The following OPCML variants were observed in gnomAD, a reference collection of about 807,000 sequenced individuals.
OPCML encodes the protein opioid-binding protein/cell adhesion molecule.
OPCML carries 13 observed loss-of-function variants against 37.8 expected under a neutral mutation model. That is an observed-to-expected ratio of 0.34 (90% CI 0.22 to 0.55). The LOEUF (loss-of-function observed/expected upper bound fraction) is 0.55, where lower values mean the gene tolerates loss of function less well. OPCML is among the 20% of genes least tolerant of loss of function. The probability of loss-of-function intolerance (pLI) is 0.91; values close to 1 mark genes in which losing one functional copy is unlikely to be tolerated. For synonymous variants in OPCML, 176 were observed against 168.8 expected (o/e 1.04, Z -0.33); for missense variants, 341 against 435.6 (o/e 0.78, Z 1.93).
intron 1 of OPCML, among the ~76,000 whole-genome samples, chr11:133,272,578 G>C (rs560080157): frequency 6.6e-6 from 1 of 152,274 alleles, no homozygotes; most frequent in African/African-American, 2.4e-5. Context: ...TTCCCCTCTG[G>C]GCCGGCCCGG....
intron 1 of OPCML, among the ~76,000 whole-genome samples, chr11:133,489,350 C>T (rs1191661464): frequency 6.7e-6 from 1 of 149,500 alleles, no homozygotes; most frequent in Non-Finnish European, 1.5e-5. Context: ...GGGCTAAATC[C>T]AGAATCTACA....
chr11:133,342,041 C>G (rs963362144), intron 1 of OPCML, among the ~76,000 whole-genome samples: 20 of 152,124 alleles, frequency 1.3e-4, no homozygotes, highest in Non-Finnish European at 2.6e-4. Context: ...CAGAAGTTGT[C>G]TGAACTCTGT....
At chr11:133,256,860 T>C (rs964424366) in intron 1 of OPCML, among the ~76,000 whole-genome samples, 7 of 152,246 alleles carry the variant, frequency 4.6e-5, no homozygotes, top group African/African-American at 7.2e-5. Flanking sequence ...CAAACATTTA[T>C]TGTGAAAAAT....
At chr11:132,706,356 C>A (rs893150655) in intron 2 of OPCML, among the ~76,000 whole-genome samples, 1 of 152,132 alleles carries the variant, frequency 6.6e-6, no homozygotes, top group Non-Finnish European at 1.5e-5. Flanking sequence ...CTTTCTGCCA[C>A]CCCAACAAAG....
chr11:133,258,472 A>G (rs1941388157), intron 1 of OPCML, among the ~76,000 whole-genome samples: 1 of 152,186 alleles, frequency 6.6e-6, no homozygotes, highest in African/African-American at 2.4e-5. Flanking sequence ...GTCTCTCTTC[A>G]TCACCTTAGG....
rs550586176 is a variant in OPCML, at chr11:132,715,825, T to C, written c.147-58506A>G. Among the ~76,000 whole-genome samples, 14 of 152,262 alleles carry C rather than the reference T, an allele frequency of 9.2e-5. No individual in the cohort carries two copies. In the South Asian group the frequency reaches 2.7e-3, roughly 29 times the overall value. On this transcript the variant is annotated intron_variant, in intron 2 of 7. Coordinates refer to ENST00000524381, the MANE Select transcript of OPCML (RefSeq NM_001012393.5). ...CTGAATTGACTGAGACACCCCCCAT[T>C]TTCTCATCTAGTCTACTGGGATAAT...
At chr11:133,436,208 C>G (rs1893235) in intron 1 of OPCML, among the ~76,000 whole-genome samples, 3 of 151,900 alleles carry the variant, frequency 2.0e-5, no homozygotes, top group African/African-American at 7.3e-5. Context: ...TTATATTGTC[C>G]CTTTCAAAAA....
At chr11:132,439,785 T>G (rs979121954) in intron 4 of OPCML, among the ~76,000 whole-genome samples, 1 of 151,856 alleles carries the variant, frequency 6.6e-6, no homozygotes, top group Admixed American at 6.6e-5. Flanking sequence ...TTTTTCAAAA[T>G]GTACCACAGA....
At chr11:132,948,005 A>G (rs1945782955) in intron 1 of OPCML, among the ~76,000 whole-genome samples, 5 of 151,722 alleles carry the variant, frequency 3.3e-5, no homozygotes, top group Admixed American at 3.3e-4. Flanking sequence ...GGGATGCTCA[A>G]CCTATACTAC....
chr11:133,115,292 C>T (rs1311799149), intron 1 of OPCML, among the ~76,000 whole-genome samples: 1 of 152,186 alleles, frequency 6.6e-6, no homozygotes, highest in Non-Finnish European at 1.5e-5. Context: ...ATCCAGCCTG[C>T]CAGGCAGCAG....
chr11:133,523,808 C>T (rs1283007662), intron 1 of OPCML, among the ~76,000 whole-genome samples: 2 of 152,156 alleles, frequency 1.3e-5, no homozygotes, highest in Non-Finnish European at 2.9e-5. Context: ...TCTGCCTCTT[C>T]CTTTGGTCTT....
intron 2 of OPCML, among the ~76,000 whole-genome samples, chr11:132,666,284 G>T (rs1942212960): frequency 6.6e-6 from 1 of 152,154 alleles, no homozygotes; most frequent in African/African-American, 2.4e-5. Context: ...AGGGAAAGGG[G>T]AGTTGGTATC....
At chr11:132,660,563 C>A (rs985602943) in intron 2 of OPCML, among the ~76,000 whole-genome samples, 2 of 152,076 alleles carry the variant, frequency 1.3e-5, no homozygotes, top group African/African-American at 2.4e-5. Flanking sequence ...ACTGGAAGTG[C>A]CTTGTTTAAC....
In OPCML at chr11:133,051,141, T is replaced by C. The variant is rs77815640; in HGVS notation, c.62-108131A>G. On this transcript the variant is annotated intron_variant, in intron 1 of 7. Transcript: ENST00000524381. Reference sequence around the variant, plus strand: ...AGACCAAAGCTCATAACTTCTCCCATGCACACTCAGACTTACATTCCCATC... The same window carrying C: ...AGACCAAAGCTCATAACTTCTCCCACGCACACTCAGACTTACATTCCCATC... 4.7e-3 allele frequency among the ~76,000 whole-genome samples: 708 copies of C among 152,062 alleles called. 3 individuals are homozygous for C. The highest frequency in any genetic ancestry group is 0.034 in the Middle Eastern group (10 of 294).
chr11:133,425,660 C>A (rs1456905564), intron 1 of OPCML, among the ~76,000 whole-genome samples: 1 of 152,124 alleles, frequency 6.6e-6, no homozygotes, highest in Non-Finnish European at 1.5e-5. Flanking sequence ...CAGTGCCACC[C>A]CTATATTATC....
chr11:132,452,438 G>A (rs950120097), intron 4 of OPCML, among the ~76,000 whole-genome samples: 2 of 152,018 alleles, frequency 1.3e-5, no homozygotes, highest in Non-Finnish European at 2.9e-5. Context: ...ACTGGGTGAC[G>A]ATGAAGCTGG....
chr11:133,465,576 CATT>C (rs979968743), intron 1 of OPCML, among the ~76,000 whole-genome samples: 3 of 152,176 alleles, frequency 2.0e-5, no homozygotes, highest in Admixed American at 2.0e-4. Flanking sequence ...GTGGAGTTCA[CATT>C]GTCCTAAGTC....
At chr11:132,793,515 G>A (rs751593954) in intron 2 of OPCML, among the ~76,000 whole-genome samples, 1 of 152,114 alleles carries the variant, frequency 6.6e-6, no homozygotes, top group Non-Finnish European at 1.5e-5. Flanking sequence ...GAATTCTTCA[G>A]CACCTTTTGT....
At chr11:132,584,353 T>C (rs902913951) in intron 3 of OPCML, among the ~76,000 whole-genome samples, 3 of 152,176 alleles carry the variant, frequency 2.0e-5, no homozygotes, top group African/African-American at 7.2e-5. Flanking sequence ...CTATTAATGA[T>C]TTTTCACAAT....
Sources: gnomAD v4.1 joint callset for allele counts (sites outside exome capture counted in the v4.1 genomes callset) on GRCh38, gnomAD v4.1.1 for gene constraint, MANE v1.5 for transcripts, NCBI Gene and HGNC (gene_info 2026-07-23, HGNC 2026-07-21) for gene names.